The following ROCK2 variants were observed in gnomAD, a reference collection of about 807,000 sequenced individuals.
The protein encoded by ROCK2 is rho-associated protein kinase 2.
Under a neutral mutation model 195.1 loss-of-function variants are expected in ROCK2, and 61 were observed. The observed-to-expected ratio is 0.31, with a 90% confidence interval of 0.25 to 0.39. The LOEUF (loss-of-function observed/expected upper bound fraction) is 0.39, where lower values mean the gene tolerates loss of function less well. Ranked by LOEUF, ROCK2 falls within the 10% of genes least tolerant of loss-of-function variation. ROCK2 has a pLI of 1.00. For synonymous variants in ROCK2, 504 were observed against 545.5 expected (o/e 0.92, Z 1.06); for missense variants, 1,109 against 1,637.4 (o/e 0.68, Z 5.57).
At chr2:11,312,311 A>G (rs1314896023) in intron 1 of ROCK2, among the ~76,000 whole-genome samples, 1 of 152,172 alleles carries the variant, frequency 6.6e-6, no homozygotes, top group African/African-American at 2.4e-5. Context: ...GCACACATTT[A>G]AAGTGTACAA....
At chr2:11,202,566 G>C (rs1419059558) in intron 20 of ROCK2, among the ~76,000 whole-genome samples, 1 of 151,724 alleles carries the variant, frequency 6.6e-6, no homozygotes, top group Non-Finnish European at 1.5e-5. Flanking sequence ...GGTGCGATCT[G>C]GGCTCACTAA....
chr2:11,208,175 T>C, intron 19 of ROCK2, 112 bp downstream of exon 19: 4 of 612,196 alleles, frequency 6.5e-6, no homozygotes, highest in Non-Finnish European at 9.5e-6. Flanking sequence ...ACCAACAGGT[T>C]GCAGACTATT....
Position 11,215,201 on chromosome 2 carries a change from A to T in ROCK2, c.1690-115T>A, listed in dbSNP as rs984002350. The stretch of plus-strand genomic sequence containing the variant: ...TTAAAATAAACAAAAACCTAAAAAT[A>T]TTTTCCAAATGATTTCTAAAATTAG... On this transcript the variant is annotated intron_variant, in intron 15 of 32. Coordinates refer to ENST00000315872, the MANE Select transcript of ROCK2 (RefSeq NM_004850.5). The T allele has an allele frequency of 1.4e-5, 21 of 1,471,376 alleles. No individual in the cohort carries two copies. In the African/African-American group the frequency reaches 2.9e-4, roughly 20 times the overall value. 91.1% of individuals were successfully genotyped at this position (1,471,376 alleles called of 1,614,324 possible).
intron 1 of ROCK2, among the ~76,000 whole-genome samples, chr2:11,297,223 T>C: frequency 6.6e-6 from 1 of 152,146 alleles, no homozygotes; most frequent in Non-Finnish European, 1.5e-5. Flanking sequence ...AAATTAAATG[T>C]ATAATAATTC....
In ROCK2 at chr2:11,219,336, C is replaced by CAAA. The variant is rs35159426; in HGVS notation, c.1260-313_1260-311dup. ...TCAACATGGTGAAACCTTATCTCTA[C>CAAA]AAAAAAAAAAAAAAAAAAAAAAAAA... On this transcript the variant is annotated intron_variant, in intron 9 of 32. Transcript: ENST00000315872. Among the ~76,000 whole-genome samples the CAAA allele has an allele frequency of 6.0e-3, 401 of 66,696 alleles. 13 individuals carry two copies. The highest frequency in any genetic ancestry group is 0.023 in the African/African-American group (331 of 14,212). 43.8% of individuals were successfully genotyped at this position (66,696 alleles called of 152,430 possible).
chr2:11,277,335 T>C (rs942782773), intron 3 of ROCK2, among the ~76,000 whole-genome samples: 7 of 152,150 alleles, frequency 4.6e-5, no homozygotes, highest in African/African-American at 1.2e-4. Flanking sequence ...AATCTTTTTT[T>C]CCCCCATAGG....
At chr2:11,331,686 G>A (rs1216352553) in intron 1 of ROCK2, among the ~76,000 whole-genome samples, 1 of 152,174 alleles carries the variant, frequency 6.6e-6, no homozygotes, top group Non-Finnish European at 1.5e-5. Flanking sequence ...CAGCACTTTG[G>A]GAGGCCAAGG....
intron 32 of ROCK2, among the ~76,000 whole-genome samples, chr2:11,183,677 T>C (rs1558269459): frequency 6.6e-6 from 1 of 152,158 alleles, no homozygotes; most frequent in East Asian, 1.9e-4. Flanking sequence ...GCTACACACA[T>C]TACACACACA....
intron 3 of ROCK2, among the ~76,000 whole-genome samples, chr2:11,279,279 A>G (rs751117600): frequency 5.9e-5 from 9 of 152,230 alleles, no homozygotes; most frequent in South Asian, 2.1e-4. Context: ...TATTTTTTCT[A>G]TAAGAAACTC....
chr2:11,304,282 T>C (rs1667790017), intron 1 of ROCK2, among the ~76,000 whole-genome samples: 1 of 152,180 alleles, frequency 6.6e-6, no homozygotes, highest in South Asian at 2.1e-4. Context: ...ACCCCTTCCT[T>C]TTCCTACTAC....
chr2:11,206,966 A>G (rs1310437419), intron 20 of ROCK2, among the ~76,000 whole-genome samples: 1 of 152,246 alleles, frequency 6.6e-6, no homozygotes, highest in Non-Finnish European at 1.5e-5. Context: ...TTTCCACTCT[A>G]TCACACTGTC....
chr2:11,264,879 T>C (rs971424000), intron 3 of ROCK2, among the ~76,000 whole-genome samples: 3 of 152,280 alleles, frequency 2.0e-5, no homozygotes, highest in South Asian at 4.1e-4. Flanking sequence ...TGAAATACTA[T>C]ACAGCCAATA....
intron 1 of ROCK2, among the ~76,000 whole-genome samples, chr2:11,294,990 T>C (rs1667467551): frequency 6.6e-6 from 1 of 152,060 alleles, no homozygotes; most frequent in African/African-American, 2.4e-5. Context: ...GGTTTCATCA[T>C]GTTGCCCAGG....
intron 1 of ROCK2, chr2:11,308,108 G>A: frequency 6.2e-7 from 1 of 1,611,246 alleles, no homozygotes; most frequent in South Asian, 1.1e-5. Flanking sequence ...GGGGCCAGCT[G>A]GTGGAGGCGA....
chr2:11,308,882 C>T (rs1454056869), intron 1 of ROCK2: 33 of 1,611,802 alleles, frequency 2.0e-5, no homozygotes, highest in Non-Finnish European at 2.6e-5. Flanking sequence ...AAAGCAATTG[C>T]AATTATTGAC....
chr2:11,248,470 G>A (rs568230971), intron 4 of ROCK2, among the ~76,000 whole-genome samples: 140 of 152,084 alleles, frequency 9.2e-4, no homozygotes, highest in African/African-American at 3.1e-3. Context: ...CACTTCGGGA[G>A]GCTAAGGCAG....
chr2:11,252,556 G>A (rs551279693), intron 3 of ROCK2, among the ~76,000 whole-genome samples: 20 of 152,242 alleles, frequency 1.3e-4, no homozygotes, highest in African/African-American at 4.6e-4. Flanking sequence ...CAACACAAAT[G>A]CCCATCAGTG....
chr2:11,299,676 C>G (rs1376349405), intron 1 of ROCK2, among the ~76,000 whole-genome samples: 2 of 152,176 alleles, frequency 1.3e-5, no homozygotes, highest in African/African-American at 4.8e-5. Context: ...AAGAACACAG[C>G]AAGAAGAAAA....
chr2:11,222,027 C>A, intron 8 of ROCK2, 56 bp downstream of exon 8: 2 of 997,198 alleles, frequency 2.0e-6, no homozygotes, highest in South Asian at 3.0e-5. Context: ...AAAAAGGAAT[C>A]AACTTATGAG....
Sources: allele counts gnomAD v4.1 joint callset (sites outside exome capture counted in the v4.1 genomes callset), GRCh38; gene constraint gnomAD v4.1.1; transcripts MANE v1.5; gene names NCBI Gene and HGNC (gene_info 2026-07-23, HGNC 2026-07-21).